LRRIQ4: variants seen among roughly 807,000 people sequenced by gnomAD.
The protein encoded by LRRIQ4 is leucine-rich repeat and IQ domain-containing protein 4.
In LRRIQ4, 21 loss-of-function variants were observed where a neutral mutation model predicts 40.1. The ratio of observed to expected loss-of-function variants is 0.52; its 90% CI spans 0.37 to 0.75. The LOEUF (loss-of-function observed/expected upper bound fraction) is 0.75. Among genes scored for constraint, LRRIQ4 ranks in the 30% least tolerant of loss-of-function variants. The probability of loss-of-function intolerance (pLI) is 0.00; values close to 1 mark genes in which losing one functional copy is unlikely to be tolerated. For missense variants in LRRIQ4, 655 were observed against 660.0 expected, an observed-to-expected ratio of 0.99 and a Z score of 0.08; for synonymous variants, 277 against 277.1, an observed-to-expected ratio of 1.00 and a Z score of 0.00.
At chr3:169,836,800 C>A (rs28464769) in intron 5 of LRRIQ4, among the ~76,000 whole-genome samples, 1 of 152,158 alleles carries the variant, frequency 6.6e-6, no homozygotes, top group African/African-American at 2.4e-5. Context: ...TGAGTCACAA[C>A]TGTGCCTATG....
chr3:169,820,102 C>T (rs1779846267), intron 1 of LRRIQ4, among the ~76,000 whole-genome samples: 2 of 152,046 alleles, frequency 1.3e-5, no homozygotes, highest in Admixed American at 1.3e-4. Context: ...AAATGTATCC[C>T]CTTCATCTAG....
intron 3 of LRRIQ4, among the ~76,000 whole-genome samples, chr3:169,829,490 GT>G (rs34181076): frequency 3.8e-4 from 55 of 144,864 alleles, no homozygotes; most frequent in South Asian, 6.5e-4. Context: ...TTAAAGAACT[GT>G]TTTTTTTTTT....
chr3:169,825,788 C>T (rs887660538), intron 2 of LRRIQ4, among the ~76,000 whole-genome samples: 17 of 152,278 alleles, frequency 1.1e-4, no homozygotes, highest in South Asian at 4.1e-4. Flanking sequence ...TTGTATTGAA[C>T]ATGACAATCT....
At chr3:169,836,513 T>C (rs1780305872) in intron 5 of LRRIQ4, among the ~76,000 whole-genome samples, 2 of 152,022 alleles carry the variant, frequency 1.3e-5, no homozygotes, top group Admixed American at 6.6e-5. Flanking sequence ...GAGATTGCAC[T>C]AGAGAGTGCT....
chr3:169,824,808 T>C (rs1269442065), intron 2 of LRRIQ4, among the ~76,000 whole-genome samples: 2 of 152,060 alleles, frequency 1.3e-5, no homozygotes, highest in South Asian at 2.1e-4. Flanking sequence ...CCACCATGGC[T>C]GGCCTATAAT....
At chr3:169,836,991 GA>G (rs1464808210) in intron 5 of LRRIQ4, among the ~76,000 whole-genome samples, 1 of 152,182 alleles carries the variant, frequency 6.6e-6, no homozygotes, top group Non-Finnish European at 1.5e-5. Context: ...GCTGCTAGAG[GA>G]AGGGTGTTGC....
intron 5 of LRRIQ4, among the ~76,000 whole-genome samples, chr3:169,836,341 G>A (rs2421830): frequency 0.3 from 46,243 of 152,000 alleles, 7,524 homozygotes; most frequent in East Asian, 0.63. Flanking sequence ...TAGAACAGGC[G>A]GCTTAAACAA....
At chr3:169,826,582 T>C (rs1043829519) in intron 2 of LRRIQ4, among the ~76,000 whole-genome samples, 1 of 152,170 alleles carries the variant, frequency 6.6e-6, no homozygotes. Context: ...GGATCTTAAA[T>C]ACTCCTAAAA....
In LRRIQ4 at chr3:169,834,652, C is replaced by T. The variant is rs146322520; in HGVS notation, c.1530+1469C>T. ...ATTATGATTTGTCAACACCAATTTACAAATACTCAAACAAGTTATTATTTT... is the reference window on the plus strand; with the variant it reads ...ATTATGATTTGTCAACACCAATTTATAAATACTCAAACAAGTTATTATTTT... On this transcript the variant is annotated intron_variant, in intron 5 of 5. Coordinates refer to ENST00000340806, the MANE Select transcript of LRRIQ4 (RefSeq NM_001080460.3). Among the ~76,000 whole-genome samples the T allele has an allele frequency of 1.3e-3, 203 of 152,274 alleles. 1 individual carries two copies. Among genetic ancestry groups the T allele is most frequent in the African/African-American group, 4.7e-3 (195 of 41,564 alleles).
At chr3:169,827,404 G>C (rs989329924) in intron 2 of LRRIQ4, among the ~76,000 whole-genome samples, 2 of 151,940 alleles carry the variant, frequency 1.3e-5, no homozygotes, top group Non-Finnish European at 1.5e-5. Context: ...TCAGGAGATC[G>C]AGACCATCCT....
chr3:169,831,732 G>A (rs779642475), intron 4 of LRRIQ4, among the ~76,000 whole-genome samples: 1 of 151,408 alleles, frequency 6.6e-6, no homozygotes, highest in African/African-American at 2.4e-5. Flanking sequence ...ACTTTGGGAC[G>A]CCGAGGAGGG....
At chr3:169,832,951 T>C in intron 4 of LRRIQ4, 36 bp from the exon 5 acceptor site, 2 of 1,569,534 alleles carry the variant, frequency 1.3e-6, no homozygotes, top group Non-Finnish European at 1.7e-6. Flanking sequence ...TTGTTTCTTC[T>C]AAGATTGAAC....
intron 1 of LRRIQ4, among the ~76,000 whole-genome samples, chr3:169,816,791 C>T (rs1779779858): frequency 6.6e-6 from 1 of 151,808 alleles, no homozygotes; most frequent in Admixed American, 6.6e-5. Flanking sequence ...TTGCCTCAGC[C>T]TCCTGAGTAG....
At chr3:169,826,420 A>G (rs1780043040) in intron 2 of LRRIQ4, among the ~76,000 whole-genome samples, 1 of 151,922 alleles carries the variant, frequency 6.6e-6, no homozygotes, top group African/African-American at 2.4e-5. Flanking sequence ...AAGAAAAAGG[A>G]AAAAACCAAA....
intron 1 of LRRIQ4, among the ~76,000 whole-genome samples, 153 bp from the exon 2 acceptor site, chr3:169,821,738 C>T (rs966770899): frequency 1.2e-4 from 18 of 151,540 alleles, no homozygotes; most frequent in African/African-American, 4.4e-4. Flanking sequence ...TTTAATTCTT[C>T]TAACATGAAA....
chr3:169,831,440 ATTTTTTTTTTTTTTTTTTTTTTTTT>A (rs750864248), intron 4 of LRRIQ4, among the ~76,000 whole-genome samples: 11 of 29,396 alleles, frequency 3.7e-4, no homozygotes, highest in Admixed American at 9.4e-4. Context: ...CGCCCGGCTA[ATTTTTTTTTTTTTTTTTTTTTTTTT>A]TTTTTTTTTT....
Position 169,822,764 on chromosome 3 carries a change from G to T in LRRIQ4, c.843G>T (p.Ser281=), listed in dbSNP as rs1014201986. The T allele has an allele frequency of 1.2e-6, 2 of 1,613,628 alleles. No individual in the cohort carries two copies. The highest frequency in any genetic ancestry group is 1.7e-6 in the Non-Finnish European group (2 of 1,179,718). The change falls in exon 2 of 6, where the codon TCG becomes TCT. Residue 281 remains serine (S), a synonymous_variant. Transcript: ENST00000340806. Reference sequence around the variant, plus strand: ...CACGCCTCATTTGCAGGTGGACCTCGCTGCACCTGCTCTACCTGGGAAACA... The same window carrying T: ...CACGCCTCATTTGCAGGTGGACCTCTCTGCACCTGCTCTACCTGGGAAACA... The part of the protein sequence containing the change: ...KVPRLICRWT[S]LHLLYLGNTG...
rs776478957 is a variant in LRRIQ4 at position 169,822,275 on chromosome 3, C to A, written c.354C>A (p.His118Gln). Reference sequence around the variant, plus strand: ...CCCTTGTCGTTGTCAGCTTCCTCCACGCCCTGCGCGAGCTCCGGCTCTACC... The same window carrying A: ...CCCTTGTCGTTGTCAGCTTCCTCCAAGCCCTGCGCGAGCTCCGGCTCTACC... The part of the protein sequence containing the change: ...SSSLVVVSFL[H>Q]ALRELRLYQT... The change falls in exon 2 of 6, where the codon CAC (histidine) becomes CAA (glutamine). Residue 118 changes from histidine (H) to glutamine (Q), a missense_variant. Physicochemically the swap from His to Gln is conservative, Grantham distance 24 (BLOSUM62 0). Coordinates refer to ENST00000340806, the MANE Select transcript of LRRIQ4 (RefSeq NM_001080460.3). 3.7e-6 allele frequency: 6 copies of A among 1,612,592 alleles called. No homozygotes were observed. In the South Asian group the frequency reaches 5.5e-5, roughly 15 times the overall value.
intron 5 of LRRIQ4, among the ~76,000 whole-genome samples, chr3:169,836,826 G>C (rs1780313784): frequency 6.6e-6 from 1 of 152,200 alleles, no homozygotes; most frequent in South Asian, 2.1e-4. Context: ...GAGCAGGGAG[G>C]AGGCCCGCAT....
Sources: gnomAD v4.1 joint callset for allele counts (sites outside exome capture counted in the v4.1 genomes callset) on GRCh38, gnomAD v4.1.1 for gene constraint, MANE v1.5 for transcripts, NCBI Gene and HGNC (gene_info 2026-07-23, HGNC 2026-07-21) for gene names.